The following LINGO2 variants were observed in gnomAD, a reference collection of about 807,000 sequenced individuals.
LINGO2 encodes leucine rich repeat and Ig domain containing 2, also known as leucine-rich repeat and immunoglobulin-like domain-containing nogo receptor-interacting protein 2.
LINGO2 carries 14 observed loss-of-function variants against 30.6 expected under a neutral mutation model. That is an observed-to-expected ratio of 0.46 (90% CI 0.30 to 0.72). The LOEUF (loss-of-function observed/expected upper bound fraction) is 0.72. Ranked by LOEUF, LINGO2 falls within the 30% of genes least tolerant of loss-of-function variation. The pLI is 0.07. For missense variants in LINGO2, 729 were observed against 751.7 expected, an observed-to-expected ratio of 0.97 and a Z score of 0.35; for synonymous variants, 317 against 288.5, an observed-to-expected ratio of 1.10 and a Z score of -1.00.
the LINGO2 span, among the ~76,000 whole-genome samples, chr9:28,995,736 T>A: frequency 6.6e-6 from 1 of 152,110 alleles, no homozygotes; most frequent in South Asian, 2.1e-4. Flanking sequence ...TGGATGAAAC[T>A]GGAAATCATC....
At chr9:27,993,187 T>C (rs1821484025) in intron 5 of LINGO2, among the ~76,000 whole-genome samples, 1 of 152,164 alleles carries the variant, frequency 6.6e-6, no homozygotes, top group African/African-American at 2.4e-5. Flanking sequence ...TTCTTTTATG[T>C]CATATTAAAT....
At chr9:29,129,891 G>C in the LINGO2 span, among the ~76,000 whole-genome samples, 1 of 152,040 alleles carries the variant, frequency 6.6e-6, no homozygotes, top group Non-Finnish European at 1.5e-5. Context: ...TTAAAAAGAG[G>C]GATGTTTAGA....
intron 2 of LINGO2, among the ~76,000 whole-genome samples, chr9:28,383,471 A>C (rs531105535): frequency 6.6e-6 from 1 of 152,188 alleles, no homozygotes; most frequent in East Asian, 1.9e-4. Context: ...TGAAGGCAGT[A>C]GAGGCTACTG....
At chr9:29,062,628 G>C in the LINGO2 span, among the ~76,000 whole-genome samples, 9 of 152,164 alleles carry the variant, frequency 5.9e-5, no homozygotes, top group East Asian at 1.7e-3. Flanking sequence ...GAGATGCCTA[G>C]AGTAGTCAAA....
intron 2 of LINGO2, among the ~76,000 whole-genome samples, chr9:28,459,453 T>G (rs1320904744): frequency 6.6e-6 from 1 of 152,006 alleles, no homozygotes; most frequent in Non-Finnish European, 1.5e-5. Flanking sequence ...GAAAAATACA[T>G]GAGAGTTGAA....
chr9:28,620,476 G>A (rs945621468), intron 1 of LINGO2, among the ~76,000 whole-genome samples: 1 of 151,948 alleles, frequency 6.6e-6, no homozygotes, highest in Non-Finnish European at 1.5e-5. Context: ...TAAGACACAG[G>A]AATTTATATT....
chr9:28,333,785 G>T (rs113591564), intron 3 of LINGO2, among the ~76,000 whole-genome samples: 3,251 of 152,172 alleles, frequency 0.021, 100 homozygotes, highest in African/African-American at 0.074. Flanking sequence ...TTCGAACGGG[G>T]TATCATCATT....
At chr9:28,131,706 C>A (rs1255524922) in intron 4 of LINGO2, among the ~76,000 whole-genome samples, 1 of 152,088 alleles carries the variant, frequency 6.6e-6, no homozygotes, top group African/African-American at 2.4e-5. Flanking sequence ...AATACATTCT[C>A]ACTCACAAAC....
At chr9:29,170,304 C>T in the LINGO2 span, among the ~76,000 whole-genome samples, 45 of 152,152 alleles carry the variant, frequency 3.0e-4, no homozygotes, top group African/African-American at 9.2e-4. Flanking sequence ...TGCAGCAACA[C>T]GAATGGAACC....
chr9:28,555,828 C>A (rs1161112866), intron 1 of LINGO2, among the ~76,000 whole-genome samples: 1 of 152,008 alleles, frequency 6.6e-6, no homozygotes, highest in Non-Finnish European at 1.5e-5. Flanking sequence ...CCCTGGGATG[C>A]AAGGCTGGTT....
chr9:27,943,319 G>A (rs1311158168), downstream of LINGO2: 2 of 152,068 alleles, frequency 1.3e-5, no homozygotes, highest in South Asian at 2.1e-4. Flanking sequence ...ATATAGTTAA[G>A]CAATTTAGTA....
chr9:28,046,323 C>A (rs1262007568), intron 4 of LINGO2, among the ~76,000 whole-genome samples: 1 of 152,128 alleles, frequency 6.6e-6, no homozygotes, highest in African/African-American at 2.4e-5. Context: ...CCAGTCTTAG[C>A]CTGTATCAGA....
the LINGO2 span, among the ~76,000 whole-genome samples, chr9:28,971,513 G>A: frequency 6.6e-6 from 1 of 152,220 alleles, no homozygotes; most frequent in African/African-American, 2.4e-5. Flanking sequence ...ATTACTCTCT[G>A]TGGGCCTATT....
Position 28,233,061 on chromosome 9 carries a change from T to TATATATATATATATATATATAA in LINGO2, c.-87+62146_-87+62147insTTATATATATATATATATATAT, listed in dbSNP as rs60875467. Among the ~76,000 whole-genome samples the TATATATATATATATATATATAA allele has an allele frequency of 8.1e-4, 96 of 118,792 alleles. 3 individuals carry two copies. Among genetic ancestry groups the TATATATATATATATATATATAA allele is most frequent in the African/African-American group, 2.5e-3 (69 of 27,930 alleles). The allele number at this position is 118,792 out of a possible 152,430, so 77.9% of individuals were successfully genotyped here. The stretch of plus-strand genomic sequence containing the variant: ...ATATATATATATATATATATATATA[T>TATATATATATATATATATATAA]TAGATATATAATAGATATACAGTAA... On this transcript the variant is annotated intron_variant, in intron 4 of 5. Transcript: ENST00000379992.
chr9:28,086,724 G>C (rs1004815577), intron 4 of LINGO2, among the ~76,000 whole-genome samples: 1 of 152,008 alleles, frequency 6.6e-6, no homozygotes, highest in Admixed American at 6.6e-5. Context: ...GAGTGAGAGT[G>C]AAAAACTTGA....
intron 1 of LINGO2, among the ~76,000 whole-genome samples, chr9:28,656,938 T>C (rs750238788): frequency 1.3e-5 from 2 of 152,210 alleles, no homozygotes; most frequent in East Asian, 3.9e-4. Flanking sequence ...CAAATAACTC[T>C]GCGGATAGAT....
rs1826363550 is a variant in LINGO2 at position 28,100,015 on chromosome 9, G to A, written c.-86-87610C>T. Among the ~76,000 whole-genome samples the A allele has an allele frequency of 2.0e-5, 3 of 152,068 alleles. No homozygotes were observed. The South Asian group carries it at 6.2e-4, about 31-fold the overall frequency. On this transcript the variant is annotated intron_variant, in intron 4 of 5. Coordinates refer to ENST00000379992, the Ensembl canonical transcript of LINGO2. ...GTGTTCTCTGCTATCATAGCATCATGTACTTCTGCTCTTAGCACATAACAA... is the reference window on the plus strand; with the variant it reads ...GTGTTCTCTGCTATCATAGCATCATATACTTCTGCTCTTAGCACATAACAA...
intron 4 of LINGO2, among the ~76,000 whole-genome samples, chr9:28,060,873 G>A (rs1825121569): frequency 6.6e-6 from 1 of 151,932 alleles, no homozygotes; most frequent in Non-Finnish European, 1.5e-5. Flanking sequence ...TTCTTTTCTT[G>A]GAAATGCCAT....
In LINGO2 at chr9:28,559,168, A is replaced by G. The variant is rs1220339981; in HGVS notation, c.-364-83143T>C. Among the ~76,000 whole-genome samples, 4 of 152,226 alleles carry G rather than the reference A, an allele frequency of 2.6e-5. No homozygotes were observed. The East Asian group carries it at 7.7e-4, about 29-fold the overall frequency. ...AATATTCAGACACTGTCAGCACTTT[A>G]TTGGAAGAGTTGTGAGTATTTGATC... On this transcript the variant is annotated intron_variant, in intron 1 of 5. Coordinates refer to ENST00000379992, the Ensembl canonical transcript of LINGO2.
Sources: gnomAD v4.1 joint callset for allele counts (sites outside exome capture counted in the v4.1 genomes callset) on GRCh38, gnomAD v4.1.1 for gene constraint, MANE v1.5 for transcripts, NCBI Gene and HGNC (gene_info 2026-07-23, HGNC 2026-07-21) for gene names.